RCL1: variants seen among roughly 807,000 people sequenced by gnomAD.
RCL1 encodes RNA 3'-terminal phosphate cyclase-like protein.
Under a neutral mutation model 42.4 loss-of-function variants are expected in RCL1, and 24 were observed. The observed-to-expected ratio is 0.57, with a 90% CI of 0.41 to 0.80. RCL1 has a LOEUF of 0.80. RCL1 is among the 30% of genes least tolerant of loss of function. RCL1 has a pLI of 0.00. For synonymous variants in RCL1, 228 were observed against 177.3 expected (o/e 1.29, Z -2.27); for missense variants, 578 against 467.9 (o/e 1.24, Z -2.17).
At chr9:4,795,230 A>T (rs890407382) in intron 1 of RCL1, among the ~76,000 whole-genome samples, 4 of 151,900 alleles carry the variant, frequency 2.6e-5, no homozygotes, top group Non-Finnish European at 5.9e-5. Flanking sequence ...GGTGCCTGCC[A>T]CCATGCCCAG....
At chr9:4,859,810 G>C (rs1818098389) in intron 8 of RCL1, among the ~76,000 whole-genome samples, 1 of 152,100 alleles carries the variant, frequency 6.6e-6, no homozygotes, top group East Asian at 1.9e-4. Flanking sequence ...ATAAAAAAAA[G>C]AGTCATCACC....
intron 7 of RCL1, among the ~76,000 whole-genome samples, chr9:4,847,170 T>A (rs1275723068): frequency 6.6e-6 from 1 of 152,196 alleles, no homozygotes; most frequent in Non-Finnish European, 1.5e-5. Context: ...TGAGCCACTG[T>A]GCCTGGCAAT....
intron 1 of RCL1, among the ~76,000 whole-genome samples, chr9:4,815,973 C>T (rs1192230826): frequency 6.6e-6 from 1 of 152,146 alleles, no homozygotes; most frequent in Non-Finnish European, 1.5e-5. Flanking sequence ...CTTCTGCTCT[C>T]TCTGTGGTCA....
chr9:4,827,909 G>A (rs962164301), intron 3 of RCL1, among the ~76,000 whole-genome samples: 2 of 152,056 alleles, frequency 1.3e-5, no homozygotes, highest in Admixed American at 1.3e-4. Context: ...ATGGCCGGCC[G>A]GGCGCAGTGG....
intron 1 of RCL1, among the ~76,000 whole-genome samples, chr9:4,823,307 A>G (rs146996695): frequency 2.8e-4 from 39 of 139,776 alleles, no homozygotes; most frequent in African/African-American, 9.1e-4. Context: ...TTTTTTTACA[A>G]TGTGAAAGCT....
intron 1 of RCL1, among the ~76,000 whole-genome samples, chr9:4,822,468 A>G (rs1363375693): frequency 6.6e-6 from 1 of 152,076 alleles, no homozygotes; most frequent in African/African-American, 2.4e-5. Flanking sequence ...TTTAAAATCT[A>G]TTCTCTTCCT....
intron 7 of RCL1, among the ~76,000 whole-genome samples, chr9:4,846,728 A>G (rs185713097): frequency 4.3e-4 from 66 of 152,258 alleles, no homozygotes; most frequent in African/African-American, 1.6e-3. Flanking sequence ...CCTTGGGAGA[A>G]TTAGAAGCAT....
intron 5 of RCL1, chr9:4,839,979 A>T: frequency 1.2e-6 from 1 of 844,664 alleles, no homozygotes; most frequent in Non-Finnish European, 1.4e-6. Flanking sequence ...GTCAGTTTGG[A>T]TGGGTGGAAG....
intron 6 of RCL1, among the ~76,000 whole-genome samples, chr9:4,842,489 A>G (rs1166564086): frequency 6.6e-6 from 1 of 152,232 alleles, no homozygotes; most frequent in Non-Finnish European, 1.5e-5. Context: ...GGGGTTGGGA[A>G]AGGATTTGTG....
At chr9:4,806,233 T>C (rs10974795) in intron 1 of RCL1, among the ~76,000 whole-genome samples, 36,011 of 151,934 alleles carry the variant, frequency 0.24, 4,437 homozygotes, top group South Asian at 0.36. Context: ...TTTTATTTCC[T>C]TCTGCCTTAT....
chr9:4,824,347 T>A lies in RCL1; in HGVS notation c.208+728T>A, dbSNP rs1816688702. Reference sequence around the variant, plus strand: ...ATAATTCAGACCATCAGCAACATCATGCTCTTCATATTGTTCTTCAGCCAG... The same window carrying A: ...ATAATTCAGACCATCAGCAACATCAAGCTCTTCATATTGTTCTTCAGCCAG... On this transcript the variant is annotated intron_variant, in intron 2 of 8. Transcript: ENST00000381750. 2.6e-5 allele frequency among the ~76,000 whole-genome samples: 4 copies of A among 151,372 alleles called. No individual in the cohort carries two copies. The South Asian group carries it at 8.4e-4, about 32-fold the overall frequency.
chr9:4,816,341 T>G (rs1386776451), intron 1 of RCL1, among the ~76,000 whole-genome samples: 1 of 152,208 alleles, frequency 6.6e-6, no homozygotes, highest in East Asian at 1.9e-4. Context: ...AATATCCAAT[T>G]TATAAATCTT....
chr9:4,847,971 C>A (rs754797029), intron 7 of RCL1, among the ~76,000 whole-genome samples: 5 of 152,366 alleles, frequency 3.3e-5, no homozygotes, highest in Admixed American at 6.5e-5. Context: ...CACCTCCCCC[C>A]AGCATAGGTA....
At position 4,841,350 on chromosome 9, in the gene RCL1, T is replaced by C. The variant is rs1309433954; in HGVS notation, c.703T>C (p.Ser235Pro). The C allele has an allele frequency of 6.2e-7, 1 of 1,611,304 alleles. No individual in the cohort carries two copies. The highest frequency in any genetic ancestry group is 1.7e-5 in the Admixed American group (1 of 59,960). The stretch of plus-strand genomic sequence containing the variant: ...CACAGATCACATGAAAGGAGTCAAC[T>C]CTGGGAAGTAAGTATCTGTGTTTTT... ...IYTDHMKGVN[S>P]GKSPGFGLSL... The change falls in exon 6 of 9, where the codon TCT (serine) becomes CCT (proline). Residue 235 changes from serine (S) to proline (P), a missense_variant. Transcript: ENST00000381750.
In RCL1 at chr9:4,853,727, C is replaced by G. The variant is rs768687206; in HGVS notation, c.971+4177C>G. Among the ~76,000 whole-genome samples the G allele has an allele frequency of 7.5e-4, 114 of 152,142 alleles. 2 individuals are homozygous for G. Among genetic ancestry groups the G allele is most frequent in the Non-Finnish European group, 1.3e-4 (9 of 68,034 alleles). The stretch of plus-strand genomic sequence containing the variant: ...TGCTACATCTTTTCAGCAAAGTCCT[C>G]GTTTCAAATTCTGCTGTAAAATGAT... On this transcript the variant is annotated intron_variant, in intron 8 of 8. Transcript: ENST00000381750.
chr9:4,833,122 T>C (rs1257543402), intron 3 of RCL1, 32 bp from the exon 4 acceptor site: 19 of 1,512,624 alleles, frequency 1.3e-5, no homozygotes, highest in Non-Finnish European at 1.7e-5. Context: ...GAAGGCTTAA[T>C]TAAACTTTTC....
chr9:4,798,183 C>T (rs1842943958), intron 1 of RCL1, among the ~76,000 whole-genome samples: 1 of 152,140 alleles, frequency 6.6e-6, no homozygotes, highest in Non-Finnish European at 1.5e-5. Flanking sequence ...CCTGGGTGTT[C>T]CTCATCAGTA....
At chr9:4,808,751 G>A (rs1816067720) in intron 1 of RCL1, among the ~76,000 whole-genome samples, 1 of 152,160 alleles carries the variant, frequency 6.6e-6, no homozygotes, top group Non-Finnish European at 1.5e-5. Flanking sequence ...CAGAGGATTA[G>A]GTTGCCCTTG....
intron 8 of RCL1, among the ~76,000 whole-genome samples, chr9:4,851,871 G>T: frequency 6.9e-6 from 1 of 144,068 alleles, no homozygotes; most frequent in African/African-American, 2.6e-5. Flanking sequence ...AAGTAAGTCT[G>T]TATGTGTGAA....
Sources: gnomAD v4.1 joint callset for allele counts (sites outside exome capture counted in the v4.1 genomes callset) on GRCh38, gnomAD v4.1.1 for gene constraint, MANE v1.5 for transcripts, NCBI Gene and HGNC (gene_info 2026-07-23, HGNC 2026-07-21) for gene names.